TTC27: variants seen among roughly 807,000 people sequenced by gnomAD.
TTC27 encodes the protein tetratricopeptide repeat protein 27.
A neutral mutation model predicts 115.9 loss-of-function variants in TTC27; 79 were observed. The observed-to-expected ratio is 0.68, with a 90% CI of 0.57 to 0.82. TTC27 has a LOEUF of 0.82. TTC27 is among the 40% of genes least tolerant of loss of function. The probability of loss-of-function intolerance (pLI) is 0.00; values close to 1 mark genes in which losing one functional copy is unlikely to be tolerated. For missense variants in TTC27, 1,054 were observed against 993.1 expected (o/e 1.06, Z -0.82); for synonymous variants, 401 against 356.0 (o/e 1.13, Z -1.42).
At chr2:32,635,277 C>A (rs964593908) in intron 3 of TTC27, 4 of 153,572 alleles carry the variant, frequency 2.6e-5, no homozygotes, top group Non-Finnish European at 5.9e-5. Flanking sequence ...ACGTAGCTAT[C>A]CACCACTCAG....
chr2:32,753,604 C>G (rs562449208), intron 12 of TTC27, among the ~76,000 whole-genome samples: 1 of 151,780 alleles, frequency 6.6e-6, no homozygotes, highest in African/African-American at 2.4e-5. Context: ...CATGTGCCAC[C>G]GCGCCCATAT....
chr2:32,797,775 A>C (rs2148032774), intron 16 of TTC27, among the ~76,000 whole-genome samples: 1 of 152,352 alleles, frequency 6.6e-6, no homozygotes, highest in Non-Finnish European at 1.5e-5. Flanking sequence ...ACTTTGTGAA[A>C]ATTTAAAAAT....
chr2:32,819,388 C>G (rs1671608383), intron 19 of TTC27, among the ~76,000 whole-genome samples: 2 of 152,112 alleles, frequency 1.3e-5, no homozygotes, highest in Non-Finnish European at 2.9e-5. Flanking sequence ...AAGCATATTT[C>G]ACATATATTT....
chr2:32,655,678 T>C (rs1476757697), intron 5 of TTC27, among the ~76,000 whole-genome samples: 1 of 152,208 alleles, frequency 6.6e-6, no homozygotes, highest in Non-Finnish European at 1.5e-5. Flanking sequence ...GTTTCAGAGA[T>C]TACTTTGAGA....
intron 13 of TTC27, among the ~76,000 whole-genome samples, chr2:32,761,894 G>A (rs1669449401): frequency 6.6e-6 from 1 of 152,098 alleles, no homozygotes; most frequent in African/African-American, 2.4e-5. Context: ...TCAAATGGGT[G>A]AATAAATAGT....
chr2:32,712,617 T>A (rs1273881379), intron 10 of TTC27, among the ~76,000 whole-genome samples: 15 of 151,938 alleles, frequency 9.9e-5, no homozygotes, highest in Admixed American at 9.9e-4. Context: ...TGGAGTGCAA[T>A]GGCATGATCT....
intron 9 of TTC27, among the ~76,000 whole-genome samples, chr2:32,681,637 T>C (rs1666427611): frequency 6.9e-6 from 1 of 144,836 alleles, no homozygotes; most frequent in African/African-American, 2.5e-5. Context: ...GTAAATTATA[T>C]GAGATATTCA....
At chr2:32,757,981 C>T (rs991000755) in intron 12 of TTC27, among the ~76,000 whole-genome samples, 4 of 152,288 alleles carry the variant, frequency 2.6e-5, no homozygotes, top group East Asian at 1.9e-4. Flanking sequence ...GGATTCCAGG[C>T]GTGAGCCACC....
chr2:32,717,784 C>A (rs924850391), intron 10 of TTC27, among the ~76,000 whole-genome samples: 2 of 152,036 alleles, frequency 1.3e-5, no homozygotes, highest in African/African-American at 4.8e-5. Flanking sequence ...GTTTTAAGTT[C>A]TTTCTGTTCT....
chr2:32,756,242 G>A (rs1016066164), intron 12 of TTC27, among the ~76,000 whole-genome samples: 6 of 152,208 alleles, frequency 3.9e-5, no homozygotes, highest in East Asian at 1.9e-4. Flanking sequence ...GTACCATACC[G>A]TCAGTATCGG....
chr2:32,797,031 G>T (rs1389085450), intron 16 of TTC27, among the ~76,000 whole-genome samples: 4 of 151,832 alleles, frequency 2.6e-5, no homozygotes, highest in Admixed American at 6.6e-5. Flanking sequence ...AAAATTAGCT[G>T]GGCATGGTGG....
intron 11 of TTC27, among the ~76,000 whole-genome samples, chr2:32,735,360 G>C (rs938379689): frequency 6.6e-6 from 1 of 152,194 alleles, no homozygotes; most frequent in Non-Finnish European, 1.5e-5. Context: ...TATGTGGTTT[G>C]ATGGATAAAC....
At chr2:32,762,617 T>C (rs1669478634) in intron 13 of TTC27, among the ~76,000 whole-genome samples, 1 of 145,542 alleles carries the variant, frequency 6.9e-6, no homozygotes, top group Non-Finnish European at 1.5e-5. Context: ...AGCAATAGTT[T>C]AGTTTTTTGG....
intron 9 of TTC27, among the ~76,000 whole-genome samples, chr2:32,696,836 A>G (rs934832089): frequency 1.3e-5 from 2 of 152,224 alleles, no homozygotes; most frequent in Non-Finnish European, 2.9e-5. Flanking sequence ...TCTACAGAAT[A>G]TAGAGCAGTC....
intron 10 of TTC27, among the ~76,000 whole-genome samples, chr2:32,728,808 A>G (rs962492887): frequency 6.6e-5 from 10 of 152,152 alleles, no homozygotes; most frequent in African/African-American, 2.4e-4. Context: ...GTGTGTTAAC[A>G]GTTTTAATTG....
intron 2 of TTC27, among the ~76,000 whole-genome samples, chr2:32,633,353 CTAAT>C (rs1559178520): frequency 6.6e-6 from 1 of 152,038 alleles, no homozygotes; most frequent in Non-Finnish European, 1.5e-5. Context: ...TTAATTTTAA[CTAAT>C]GCAAATTTAA....
intron 10 of TTC27, among the ~76,000 whole-genome samples, chr2:32,712,558 T>C (rs1193805641): frequency 6.6e-6 from 1 of 151,828 alleles, no homozygotes; most frequent in Non-Finnish European, 1.5e-5. Context: ...TTTTTTTTTC[T>C]TTTTTTTCTT....
In TTC27 at chr2:32,810,048, C is replaced by T. The variant is rs889116685; in HGVS notation, c.1999-976C>T. Among the ~76,000 whole-genome samples the T allele has an allele frequency of 6.2e-5, 9 of 146,038 alleles. No individual in the cohort carries two copies. The South Asian group carries it at 6.4e-4, about 10-fold the overall frequency. ...AGGAGAATCACTTGAGCCCGGGAGG[C>T]GGAAGTTGTGGTGCTGAGATCATAC... is the stretch of plus-strand genomic sequence containing the variant. On this transcript the variant is annotated intron_variant, in intron 16 of 19. Transcript: ENST00000317907.
intron 7 of TTC27, 113 bp from the exon 8 acceptor site, chr2:32,672,159 T>TAC: frequency 1.5e-6 from 1 of 686,162 alleles, no homozygotes; most frequent in South Asian, 1.9e-5. Flanking sequence ...CTATTGACCA[T>TAC]ATGTCAAACA....
Sources: gnomAD v4.1 joint callset for allele counts (sites outside exome capture counted in the v4.1 genomes callset) on GRCh38, gnomAD v4.1.1 for gene constraint, MANE v1.5 for transcripts, NCBI Gene and HGNC (gene_info 2026-07-23, HGNC 2026-07-21) for gene names.